Variants in GATM observed in about 807,000 individuals in gnomAD.
GATM encodes glycine amidinotransferase, mitochondrial.
In GATM, 23 loss-of-function variants were observed where a neutral mutation model predicts 54.2. The ratio of observed to expected loss-of-function variants is 0.42; its 90% CI spans 0.31 to 0.60. The LOEUF is 0.60. Among genes scored for constraint, GATM ranks in the 20% least tolerant of loss-of-function variants. The pLI is 0.14. For missense variants in GATM, 401 were observed against 544.9 expected (o/e 0.74, Z 2.63); for synonymous variants, 168 against 183.1 (o/e 0.92, Z 0.67).
At chr15:45,379,282 C>G (rs1405130665), upstream of GATM, 1 of 152,184 alleles carries the variant, frequency 6.6e-6, no homozygotes, top group African/African-American at 2.4e-5. Context: ...CCTCACAGTG[C>G]AGTCTTAATT....
At chr15:45,378,105 G>A in intron 1 of GATM, 1 of 403,644 alleles carries the variant, frequency 2.5e-6, no homozygotes, top group Non-Finnish European at 4.4e-6. Context: ...TGCGCCGTGG[G>A]CCAGCAGGCC....
chr15:45,378,645 A>T, upstream of GATM: 2 of 452,702 alleles, frequency 4.4e-6, no homozygotes, highest in Non-Finnish European at 7.7e-6. Context: ...GGGCCGGCGT[A>T]GCGCCCCGAA....
intron 7 of GATM, chr15:45,364,486 G>GACTGCACA (rs149760537): frequency 0.071 from 24,588 of 345,418 alleles, 5,434 homozygotes; most frequent in African/African-American, 0.48. Flanking sequence ...AGTGAGCTGT[G>GACTGCACA]ACTGCACAAC....
Position 45,366,440 on chromosome 15 carries a change from C to T in GATM, c.744G>A (p.Glu248=). The T allele has an allele frequency of 1.2e-6, 2 of 1,614,158 alleles. No individual in the cohort carries two copies. Among genetic ancestry groups the T allele is most frequent in the Non-Finnish European group, 1.7e-6 (2 of 1,180,036 alleles). Reference sequence around the variant, plus strand: ...CAGCAGCATCAAAGCATGGCTCAAACTCAGTTGTCACAAATTTTCCCTGAG... The same window carrying T: ...CAGCAGCATCAAAGCATGGCTCAAATTCAGTTGTCACAAATTTTCCCTGAG... The part of the protein sequence containing the change: ...LAAQGKFVTT[E]FEPCFDAADF... Residue 248 remains glutamate, a synonymous_variant, in exon 5 of 9, where the codon GAG becomes GAA. Coordinates refer to ENST00000396659, the MANE Select transcript of GATM (RefSeq NM_001482.3).
intron 3 of GATM, among the ~76,000 whole-genome samples, chr15:45,384,346 C>G (rs950430940): frequency 6.6e-6 from 1 of 152,164 alleles, no homozygotes; most frequent in African/African-American, 2.4e-5. Flanking sequence ...GAGTCTTTGA[C>G]AAACTGAACT....
Position 45,389,178 on chromosome 15 carries a change from ATATATAAACTTCT to A in GATM, c.-319+7731_-319+7743del, listed in dbSNP as rs1407399492. 2.6e-5 allele frequency among the ~76,000 whole-genome samples: 4 copies of A among 152,270 alleles called. No homozygotes were observed. In the East Asian group the frequency reaches 7.7e-4, roughly 29 times the overall value. On this transcript the variant is annotated intron_variant, in intron 3 of 4. Coordinates refer to the GATM transcript ENST00000561148. Reference sequence around the variant, plus strand: ...TTCCTTTAACACTAAAAGTTTTTAAATATATAAACTTCTCCCATTTGTATGGCTGCCTTTCTAA... The same window carrying A: ...TTCCTTTAACACTAAAAGTTTTTAAACCCATTTGTATGGCTGCCTTTCTAA...
chr15:45,378,108 A>C, intron 1 of GATM: 1 of 401,246 alleles, frequency 2.5e-6, no homozygotes, highest in Non-Finnish European at 4.5e-6. Context: ...GCCGTGGGCC[A>C]GCAGGCCGCG....
chr15:45,368,395 T>G lies in GATM; in HGVS notation c.485-135A>C, dbSNP rs1889484010. 5.4e-6 allele frequency: 4 copies of G among 739,724 alleles called. No individual in the cohort carries two copies. Among genetic ancestry groups the G allele is most frequent in the Non-Finnish European group, 9.5e-6 (4 of 423,254 alleles). The allele number at this position is 739,724 out of a possible 1,614,324, so 45.8% of individuals were successfully genotyped here. ...GGGAGGCCAAGACGGGCGGATCACT[T>G]GATCCTCTTCAAGAGCAGCCTGGCC... On this transcript the variant is annotated intron_variant, in intron 3 of 8. Transcript: ENST00000396659. This position sits in a 1 kb window ranked among gnomAD's most constrained non-coding sequence, Gnocchi z 5.1.
chr15:45,377,541 C>T (rs1889660117), intron 1 of GATM: 2 of 323,750 alleles, frequency 6.2e-6, no homozygotes, highest in Non-Finnish European at 1.2e-5. Flanking sequence ...AAATGCATGG[C>T]CTATAAAATC....
intron 2 of GATM, among the ~76,000 whole-genome samples, chr15:45,373,517 C>CTA (rs3047502): frequency 1.0e-3 from 150 of 149,390 alleles, no homozygotes; most frequent in East Asian, 3.3e-3. Context: ...AAATATATAT[C>CTA]TATATATATA....
chr15:45,368,371 G>A lies in GATM; in HGVS notation c.485-111C>T. On this transcript the variant is annotated intron_variant, in intron 3 of 8. Transcript: ENST00000396659. This position sits in a 1 kb window ranked among gnomAD's most constrained non-coding sequence, Gnocchi z 5.1. ...TCATGCCTGTAATCCCACCACTTTG[G>A]GAGGCCAAGACGGGCGGATCACTTG... 1.1e-6 allele frequency: 1 copy of A among 905,514 alleles called. No individual in the cohort carries two copies. The highest frequency in any genetic ancestry group is 1.8e-6 in the Non-Finnish European group (1 of 565,080). 56.1% of individuals were successfully genotyped at this position (905,514 alleles called of 1,614,324 possible).
intron 2 of GATM, chr15:45,399,408 T>C (rs1889972252): frequency 6.6e-6 from 1 of 152,126 alleles, no homozygotes; most frequent in Non-Finnish European, 1.5e-5. Context: ...TCAGGGCCTT[T>C]TGGGAGGTGA....
At chr15:45,379,857 C>T (rs1020014181), upstream of GATM, 2 of 152,204 alleles carry the variant, frequency 1.3e-5, no homozygotes, top group African/African-American at 4.8e-5. Context: ...CGCGGTGGCT[C>T]ATGCTTGTAA....
chr15:45,374,856 A>G (rs1283517212), intron 2 of GATM, among the ~76,000 whole-genome samples: 1 of 152,214 alleles, frequency 6.6e-6, no homozygotes, highest in African/African-American at 2.4e-5. Context: ...TCTTTCCTCA[A>G]TCCACTTTAC....
chr15:45,401,985 T>G, exon 1 of GATM: 1 of 160,330 alleles, frequency 6.2e-6, no homozygotes, highest in Non-Finnish European at 1.4e-5. Flanking sequence ...CCCATGCGGA[T>G]AGTTAGAGTT....
chr15:45,369,731 A>G, intron 2 of GATM: 1 of 571,726 alleles, frequency 1.7e-6, no homozygotes, highest in Non-Finnish European at 3.1e-6. Flanking sequence ...ACATCTTGAT[A>G]TTTTGAGGCC....
intron 3 of GATM, among the ~76,000 whole-genome samples, chr15:45,389,927 T>G (rs1406547995): frequency 6.6e-6 from 1 of 152,018 alleles, no homozygotes; most frequent in East Asian, 1.9e-4. Context: ...TGGCGTGATC[T>G]CAGCTCACTG....
At chr15:45,376,521 T>C (rs149673453) in intron 2 of GATM, 80 bp downstream of exon 2, 6 of 1,211,786 alleles carry the variant, frequency 5.0e-6, no homozygotes, top group East Asian at 2.3e-5. Flanking sequence ...GGGAGTAAGC[T>C]GAAGGGAAAG....
chr15:45,380,152 A>AAAAAG (rs1566843948), upstream of GATM: 1 of 114,888 alleles, frequency 8.7e-6, no homozygotes, highest in South Asian at 3.0e-4. Flanking sequence ...AAAAAAAAAA[A>AAAAAG]GCCGGGCATG....
Sources: gnomAD v4.1 joint callset for allele counts (sites outside exome capture counted in the v4.1 genomes callset) on GRCh38, gnomAD v4.1.1 for gene constraint, Gnocchi (gnomAD v3.1) non-coding constraint, MANE v1.5 for transcripts, NCBI Gene and HGNC (gene_info 2026-07-23, HGNC 2026-07-21) for gene names.